Variants in PCDHGA12 observed in about 807,000 individuals in gnomAD.
PCDHGA12 encodes the protein protocadherin gamma subfamily A, 12.
A neutral mutation model predicts 61.1 loss-of-function variants in PCDHGA12; 43 were observed. The ratio of observed to expected loss-of-function variants is 0.70; its 90% CI spans 0.55 to 0.91. PCDHGA12 has a LOEUF of 0.91. Ranked by LOEUF, PCDHGA12 falls within the 40% of genes least tolerant of loss-of-function variation. PCDHGA12 has a pLI of 0.00. For synonymous variants in PCDHGA12, 520 were observed against 542.9 expected (o/e 0.96, Z 0.59); for missense variants, 1,236 against 1,227.7 (o/e 1.01, Z -0.10).
rs999687684 is a variant in PCDHGA12 at position 141,431,598 on chromosome 5, C to G, written c.839C>G (p.Ser280Cys). 1 of 1,614,074 alleles carries G rather than the reference C, an allele frequency of 6.2e-7. No individual in the cohort carries two copies. The highest frequency in any genetic ancestry group is 1.3e-5 in the African/African-American group (1 of 74,938). Residue 280 changes from serine to cysteine, a missense_variant, in exon 1 of 4, where the codon TCC becomes TGC. By Grantham distance (112) the Ser-to-Cys change is moderately radical. Transcript: ENST00000252085. This position sits in a 1 kb window ranked among gnomAD's most constrained non-coding sequence, Gnocchi z 4.8. ...DEGVNAEVRY[S>C]FRYVDDKAAQ... ...GGAGTCAATGCGGAAGTGAGGTATT[C>G]CTTCCGGTATGTGGACGACAAGGCG...
At position 141,489,646 on chromosome 5, in the gene PCDHGA12, C is replaced by A. The variant is rs1274955075; in HGVS notation, c.2425-5161C>A. 1.2e-6 allele frequency: 2 copies of A among 1,614,186 alleles called. No homozygotes were observed. The highest frequency in any genetic ancestry group is 2.7e-5 in the African/African-American group (2 of 75,048). On this transcript the variant is annotated intron_variant, in intron 1 of 3. Coordinates refer to ENST00000252085, the MANE Select transcript of PCDHGA12 (RefSeq NM_003735.3). This position sits in a 1 kb window ranked among gnomAD's most constrained non-coding sequence, Gnocchi z 4.5. Reference sequence around the variant, plus strand: ...TGACAACTCTCCTAGCTTTGCCACCCCTGAGCGAGAGATGCGCATCTCAGA... The same window carrying A: ...TGACAACTCTCCTAGCTTTGCCACCACTGAGCGAGAGATGCGCATCTCAGA...
intron 1 of PCDHGA12, among the ~76,000 whole-genome samples, chr5:141,467,296 A>T (rs1032802325): frequency 1.3e-5 from 2 of 151,740 alleles, no homozygotes; most frequent in South Asian, 4.2e-4. Flanking sequence ...CAAGTGATCC[A>T]CTCACCTCGG....
rs10040701 is a variant in PCDHGA12 at position 141,508,490 on chromosome 5, A to G, written c.2573-2457A>G. ...TCTTTCTTTTACATTCTGGATTTCC[A>G]TATCTTCTCTCCCTCCTGGTCCAGC... On this transcript the variant is annotated intron_variant, in intron 3 of 3. Transcript: ENST00000252085. Among the ~76,000 whole-genome samples, 377 of 152,202 alleles carry G rather than the reference A, an allele frequency of 2.5e-3. 1 individual carries two copies. The highest frequency in any genetic ancestry group is 8.6e-3 in the African/African-American group (358 of 41,530).
At chr5:141,433,693 C>T (rs772152724) in intron 1 of PCDHGA12, among the ~76,000 whole-genome samples, 2 of 151,986 alleles carry the variant, frequency 1.3e-5, no homozygotes, top group Admixed American at 6.6e-5. Flanking sequence ...CAAAATTAGC[C>T]GGGCGTGGTG....
rs539727453 is a variant in PCDHGA12 at position 141,487,510 on chromosome 5, C to G, written c.2425-7297C>G. ...GCTGTACACCCTTGGCTTCTGCACC[C>G]ACTCGGAGTGATAGCTTCATGATGG... On this transcript the variant is annotated intron_variant, in intron 1 of 3. Coordinates refer to ENST00000252085, the MANE Select transcript of PCDHGA12 (RefSeq NM_003735.3). This position sits in a 1 kb window ranked among gnomAD's most constrained non-coding sequence, Gnocchi z 5.0. The G allele has an allele frequency of 2.5e-6, 4 of 1,614,210 alleles. No homozygotes were observed. The highest frequency in any genetic ancestry group is 2.2e-5 in the East Asian group (1 of 44,860).
chr5:141,492,332 G>A (rs2099739439), intron 1 of PCDHGA12, among the ~76,000 whole-genome samples: 1 of 152,204 alleles, frequency 6.6e-6, no homozygotes. Flanking sequence ...GGGCTTACGC[G>A]AATACCAGCT....
At chr5:141,478,812 A>G (rs952753762) in intron 1 of PCDHGA12, 16 of 1,453,436 alleles carry the variant, frequency 1.1e-5, no homozygotes, top group Non-Finnish European at 1.4e-5. Flanking sequence ...TTGCTATCAC[A>G]ACTAACCAAT....
At chr5:141,469,780 G>A (rs775691161) in intron 1 of PCDHGA12, among the ~76,000 whole-genome samples, 12 of 152,080 alleles carry the variant, frequency 7.9e-5, no homozygotes, top group Non-Finnish European at 1.8e-4. Context: ...ATTTATTACA[G>A]CGTTATTTGT....
intron 1 of PCDHGA12, among the ~76,000 whole-genome samples, chr5:141,466,627 C>G (rs1448245449): frequency 6.6e-6 from 1 of 152,154 alleles, no homozygotes; most frequent in African/African-American, 2.4e-5. Flanking sequence ...TTCTTTGGAG[C>G]ATTGTCTCCA....
chr5:141,444,082 A>G (rs942113441), intron 1 of PCDHGA12, among the ~76,000 whole-genome samples: 2 of 151,044 alleles, frequency 1.3e-5, no homozygotes, highest in African/African-American at 2.4e-5. Flanking sequence ...TCACCTGAAA[A>G]GTCTGCTAAG....
chr5:141,474,417 C>A (rs1321402346), intron 1 of PCDHGA12, among the ~76,000 whole-genome samples: 1 of 152,222 alleles, frequency 6.6e-6, no homozygotes, highest in African/African-American at 2.4e-5. Context: ...GATGCCTAGA[C>A]CATTGGTCCT....
At chr5:141,478,063 A>G in intron 1 of PCDHGA12, 1 of 1,614,168 alleles carries the variant, frequency 6.2e-7, no homozygotes, top group Non-Finnish European at 8.5e-7. Context: ...TCTTGATCAA[A>G]GACAATGGGG....
At chr5:141,479,620 G>A (rs2099501211) in intron 1 of PCDHGA12, 2 of 152,192 alleles carry the variant, frequency 1.3e-5, no homozygotes, top group African/African-American at 4.8e-5. Context: ...GGGAAACCAT[G>A]TCTCTTTAAC....
intron 1 of PCDHGA12, among the ~76,000 whole-genome samples, chr5:141,481,863 G>A (rs182704348): frequency 8.8e-4 from 130 of 147,602 alleles, no homozygotes; most frequent in African/African-American, 3.3e-3. Flanking sequence ...GCAGTGAGCC[G>A]AGATCGCGCC....
intron 2 of PCDHGA12, among the ~76,000 whole-genome samples, chr5:141,497,553 T>G (rs2099777684): frequency 6.6e-6 from 1 of 151,326 alleles, no homozygotes; most frequent in Non-Finnish European, 1.5e-5. Flanking sequence ...TTTTTTTTTT[T>G]TTTTTAGACA....
rs187177915 is a variant in PCDHGA12 at position 141,472,338 on chromosome 5, G to A, written c.2425-22469G>A. ...AGGCAGATCACGAGGTTGGGAGATC[G>A]AGACCATCCTGGCTAACACGGTGAA... On this transcript the variant is annotated intron_variant, in intron 1 of 3. Transcript: ENST00000252085. Among the ~76,000 whole-genome samples, 23 of 151,526 alleles carry A rather than the reference G, an allele frequency of 1.5e-4. No homozygotes were observed. The East Asian group carries it at 3.2e-3, about 21-fold the overall frequency.
chr5:141,448,956 C>A (rs2098619571), intron 1 of PCDHGA12, among the ~76,000 whole-genome samples: 1 of 151,948 alleles, frequency 6.6e-6, no homozygotes, highest in Non-Finnish European at 1.5e-5. Context: ...AAAAAACAAA[C>A]AAACAAACAA....
chr5:141,467,952 C>A (rs1341210155), intron 1 of PCDHGA12, among the ~76,000 whole-genome samples: 1 of 152,186 alleles, frequency 6.6e-6, no homozygotes, highest in Non-Finnish European at 1.5e-5. Flanking sequence ...AGCCACCACA[C>A]CCGGCTGCCA....
In PCDHGA12 at chr5:141,489,594, TGTAGAG is replaced by T. The variant is rs1298302866; in HGVS notation, c.2425-5206_2425-5201del. 1 of 1,613,958 alleles carries T rather than the reference TGTAGAG, an allele frequency of 6.2e-7. No homozygotes were observed. The highest frequency in any genetic ancestry group is 1.3e-5 in the African/African-American group (1 of 74,906). ...CTGAACACCCCCTGGAGCTAATCCG[TGTAGAG>T]GTAGAGATCCTGGATCTCAATGACA... On this transcript the variant is annotated intron_variant, in intron 1 of 3. Coordinates refer to ENST00000252085, the MANE Select transcript of PCDHGA12 (RefSeq NM_003735.3). The surrounding 1 kb of genome is among the most constrained non-coding windows in gnomAD (Gnocchi z 4.5).
Sources: allele counts gnomAD v4.1 joint callset (sites outside exome capture counted in the v4.1 genomes callset), GRCh38; gene constraint gnomAD v4.1.1; non-coding constraint Gnocchi (gnomAD v3.1); transcripts MANE v1.5; gene names NCBI Gene and HGNC (gene_info 2026-07-23, HGNC 2026-07-21).